FGF10: variants seen among roughly 807,000 people sequenced by gnomAD.
The protein encoded by FGF10 is FGF-10.
Under a neutral mutation model 19.8 loss-of-function variants are expected in FGF10, and 2 were observed. That is an observed-to-expected ratio of 0.10 (90% CI 0.04 to 0.32). The LOEUF (loss-of-function observed/expected upper bound fraction) is 0.32, where lower values mean the gene tolerates loss of function less well. Ranked by LOEUF, FGF10 falls within the 10% of genes least tolerant of loss-of-function variation. FGF10 has a pLI of 1.00. For synonymous variants in FGF10, 112 were observed against 94.0 expected (o/e 1.19, Z -1.10); for missense variants, 191 against 246.3 (o/e 0.78, Z 1.50).
chr5:44,388,909 T>C lies in FGF10; in HGVS notation c.-227A>G. ...ATCCGCTGCCTACGCCTCTGGAGCC[T>C]CCCGGTAAATGGTGGACGTGGGTGG... On this transcript the variant is annotated 5_prime_UTR_variant, in exon 1 of 3. Coordinates refer to ENST00000264664, the MANE Select transcript of FGF10 (RefSeq NM_004465.2). 3.3e-6 allele frequency: 2 copies of C among 597,056 alleles called. No individual in the cohort carries two copies. The highest frequency in any genetic ancestry group is 6.0e-6 in the Non-Finnish European group (2 of 331,536). The allele number at this position is 597,056 out of a possible 1,614,324, so 37.0% of individuals were successfully genotyped here. A position where few individuals can be genotyped will look rare whatever the true frequency, so the allele number is the denominator to read the frequency against.
chr5:44,317,957 A>G (rs1366673412), intron 1 of FGF10, among the ~76,000 whole-genome samples: 1 of 152,168 alleles, frequency 6.6e-6, no homozygotes, highest in African/African-American at 2.4e-5. Context: ...TATAAATTGA[A>G]TTCACAAAGT....
chr5:44,365,988 C>T (rs538332318), intron 1 of FGF10, among the ~76,000 whole-genome samples: 1 of 151,840 alleles, frequency 6.6e-6, no homozygotes, highest in East Asian at 2.0e-4. Context: ...TTATTTCCTC[C>T]CCATTTATTG....
At chr5:44,361,928 C>A (rs17234093) in intron 1 of FGF10, among the ~76,000 whole-genome samples, 50 of 151,764 alleles carry the variant, frequency 3.3e-4, no homozygotes, top group African/African-American at 1.2e-3. Flanking sequence ...ATCACTCTCT[C>A]AACTGCTCCC....
intron 1 of FGF10, among the ~76,000 whole-genome samples, chr5:44,363,014 T>C (rs1257513771): frequency 6.6e-6 from 1 of 151,822 alleles, no homozygotes; most frequent in African/African-American, 2.4e-5. Context: ...GTACTGAAAG[T>C]AGTTGTTGAA....
rs369650506 is a variant in FGF10, at chr5:44,355,765, G to A, written c.325+32593C>T. 4.6e-5 allele frequency among the ~76,000 whole-genome samples: 7 copies of A among 151,484 alleles called. No individual in the cohort carries two copies. The East Asian group carries it at 1.2e-3, about 25-fold the overall frequency. On this transcript the variant is annotated intron_variant, in intron 1 of 2. Transcript: ENST00000264664. ...TCTGCAGGAATATGCTGAGAACAGA[G>A]TGTATTTATATTTAAAGCGTCATGA...
intron 1 of FGF10, among the ~76,000 whole-genome samples, chr5:44,337,223 T>C (rs1740873533): frequency 6.6e-6 from 1 of 151,564 alleles, no homozygotes. Flanking sequence ...ACTGAAATAT[T>C]AAGATAACAC....
intron 1 of FGF10, among the ~76,000 whole-genome samples, chr5:44,315,727 T>C (rs1391476018): frequency 6.6e-6 from 1 of 152,142 alleles, no homozygotes; most frequent in Non-Finnish European, 1.5e-5. Context: ...AACCTCTCTC[T>C]CCCAAGAATT....
chr5:44,344,568 C>CTCTGTGTGTG (rs1554037820), intron 1 of FGF10, among the ~76,000 whole-genome samples: 23 of 126,854 alleles, frequency 1.8e-4, no homozygotes, highest in African/African-American at 5.7e-4. Flanking sequence ...TTTGTTTTCT[C>CTCTGTGTGTG]TGTGTGTGTG....
At chr5:44,317,472 C>A (rs1231260248) in intron 1 of FGF10, among the ~76,000 whole-genome samples, 1 of 152,118 alleles carries the variant, frequency 6.6e-6, no homozygotes, top group Admixed American at 6.6e-5. Flanking sequence ...CCAATATTGT[C>A]ATTCAGCCAT....
intron 1 of FGF10, among the ~76,000 whole-genome samples, chr5:44,380,889 A>G (rs891344699): frequency 5.3e-5 from 8 of 152,150 alleles, no homozygotes; most frequent in Non-Finnish European, 1.0e-4. Context: ...ACTGCTTGGG[A>G]GGATCGCCTG....
At chr5:44,331,510 T>C (rs1304124364) in intron 1 of FGF10, among the ~76,000 whole-genome samples, 1 of 152,200 alleles carries the variant, frequency 6.6e-6, no homozygotes, top group Non-Finnish European at 1.5e-5. Flanking sequence ...CATGTTTGAT[T>C]CAATGTTTTC....
At chr5:44,387,551 G>A (rs1742131573) in intron 1 of FGF10, among the ~76,000 whole-genome samples, 1 of 152,172 alleles carries the variant, frequency 6.6e-6, no homozygotes, top group African/African-American at 2.4e-5. Context: ...GTAGTAGTAT[G>A]GCTCTGCAAT....
intron 1 of FGF10, among the ~76,000 whole-genome samples, chr5:44,381,481 A>C (rs1480159388): frequency 2.7e-5 from 4 of 146,614 alleles, no homozygotes; most frequent in Admixed American, 7.5e-5. Flanking sequence ...AAAAAAAAAA[A>C]CACACACAAA....
intron 1 of FGF10, among the ~76,000 whole-genome samples, chr5:44,356,641 C>T (rs73089970): frequency 2.6e-5 from 4 of 151,522 alleles, no homozygotes; most frequent in African/African-American, 9.7e-5. Context: ...AAAGACTCCA[C>T]GCCTTTATTC....
chr5:44,353,481 C>G lies in FGF10; in HGVS notation c.325+34877G>C, dbSNP rs76770079. ...TTTAGCTTTTATTCTCATTTTCTCACTTCATTAGTTTTGTTTTGTGTTTGT... is the reference window on the plus strand; with the variant it reads ...TTTAGCTTTTATTCTCATTTTCTCAGTTCATTAGTTTTGTTTTGTGTTTGT... On this transcript the variant is annotated intron_variant, in intron 1 of 2. Transcript: ENST00000264664. Among the ~76,000 whole-genome samples, 167 of 151,596 alleles carry G rather than the reference C, an allele frequency of 1.1e-3. 5 individuals are homozygous for G. The East Asian group carries it at 0.028, about 26-fold the overall frequency.
chr5:44,368,666 T>A (rs1382948647), intron 1 of FGF10, among the ~76,000 whole-genome samples: 1 of 151,900 alleles, frequency 6.6e-6, no homozygotes, highest in Non-Finnish European at 1.5e-5. Flanking sequence ...GTGCTGTCAA[T>A]TTTTTTGTTG....
rs998605613 is a variant in FGF10 at position 44,373,398 on chromosome 5, C to T, written c.325+14960G>A. Among the ~76,000 whole-genome samples, 3 of 152,132 alleles carry T rather than the reference C, an allele frequency of 2.0e-5. No individual in the cohort carries two copies. The East Asian group carries it at 5.8e-4, about 29-fold the overall frequency. On this transcript the variant is annotated intron_variant, in intron 1 of 2. Transcript: ENST00000264664. ...TGAGAATTTCCCAAATCATCAAGTG[C>T]TATTTTGATTCTGCTTAACAGTTCT... is the stretch of plus-strand genomic sequence containing the variant.
intron 1 of FGF10, among the ~76,000 whole-genome samples, chr5:44,335,236 G>A (rs983373): frequency 0.28 from 42,179 of 151,824 alleles, 6,189 homozygotes; most frequent in Admixed American, 0.4. Flanking sequence ...TCACCAAGAG[G>A]CATTCATGCA....
chr5:44,335,174 G>A (rs993591700), intron 1 of FGF10, among the ~76,000 whole-genome samples: 1 of 151,962 alleles, frequency 6.6e-6, no homozygotes, highest in Non-Finnish European at 1.5e-5. Context: ...AGGCTTACAG[G>A]TAGGAATATG....
Sources: allele counts gnomAD v4.1 joint callset (sites outside exome capture counted in the v4.1 genomes callset), GRCh38; gene constraint gnomAD v4.1.1; transcripts MANE v1.5; gene names NCBI Gene and HGNC (gene_info 2026-07-23, HGNC 2026-07-21).